The following UBAP2 variants were observed in gnomAD, a reference collection of about 807,000 sequenced individuals.
UBAP2 encodes the protein ubiquitin associated protein 2.
A neutral mutation model predicts 139.6 loss-of-function variants in UBAP2; 75 were observed. That is an observed-to-expected ratio of 0.54 (90% CI 0.45 to 0.65). The LOEUF (loss-of-function observed/expected upper bound fraction) is 0.65, where lower values mean the gene tolerates loss of function less well. UBAP2 is among the 30% of genes least tolerant of loss of function. The pLI is 0.00. For missense variants in UBAP2, 1,368 were observed against 1,369.6 expected (o/e 1.00, Z 0.02); for synonymous variants, 526 against 526.2 (o/e 1.00, Z 0.01).
chr9:33,987,611 A>G (rs889102582), intron 5 of UBAP2, among the ~76,000 whole-genome samples: 3 of 152,146 alleles, frequency 2.0e-5, no homozygotes, highest in Non-Finnish European at 4.4e-5. Context: ...CTTGTCTCAA[A>G]AAAAGTGAAA....
At chr9:34,035,274 G>A (rs893173854) in intron 1 of UBAP2, among the ~76,000 whole-genome samples, 4 of 151,482 alleles carry the variant, frequency 2.6e-5, no homozygotes, top group South Asian at 2.1e-4. Flanking sequence ...AGGCCGAGGC[G>A]GGCGGATCAC....
intron 4 of UBAP2, 114 bp from the exon 5 acceptor site, chr9:33,989,240 T>C: frequency 7.8e-7 from 1 of 1,276,518 alleles, no homozygotes; most frequent in South Asian, 1.8e-5. Flanking sequence ...TCTCGCTCTG[T>C]CGCCCAGGCT....
rs539528133 is a variant in UBAP2 at position 34,028,897 on chromosome 9, C to T, written c.-41-11708G>A. Among the ~76,000 whole-genome samples, 5 of 152,174 alleles carry T rather than the reference C, an allele frequency of 3.3e-5. No individual in the cohort carries two copies. In the South Asian group the frequency reaches 8.3e-4, roughly 25 times the overall value. Reference sequence around the variant, plus strand: ...AGACTGGGGTAATTAGGAACTGGGCCGCACAGCAGGAGGTGAGCAAACCTG... The same window carrying T: ...AGACTGGGGTAATTAGGAACTGGGCTGCACAGCAGGAGGTGAGCAAACCTG... On this transcript the variant is annotated intron_variant, in intron 1 of 28. Transcript: ENST00000379238.
chr9:33,973,088 C>A, intron 7 of UBAP2, 95 bp downstream of exon 7: 1 of 1,065,822 alleles, frequency 9.4e-7, no homozygotes, highest in South Asian at 1.4e-5. Flanking sequence ...CTAGATTCAC[C>A]ATGATGACTA....
intron 1 of UBAP2, among the ~76,000 whole-genome samples, chr9:34,030,311 T>C (rs1825781302): frequency 6.6e-6 from 1 of 151,110 alleles, no homozygotes; most frequent in Admixed American, 6.6e-5. Flanking sequence ...TAGCCAGGCG[T>C]GGTGGCGGGC....
intron 1 of UBAP2, among the ~76,000 whole-genome samples, chr9:34,018,270 C>T (rs1247189160): frequency 2.7e-5 from 4 of 148,660 alleles, no homozygotes; most frequent in Non-Finnish European, 5.9e-5. Flanking sequence ...GGGAATTTTC[C>T]GATAAAGACC....
At chr9:34,039,744 A>T (rs570772551) in intron 1 of UBAP2, among the ~76,000 whole-genome samples, 27 of 150,798 alleles carry the variant, frequency 1.8e-4, no homozygotes, top group African/African-American at 6.6e-4. Context: ...AAAACCAGAG[A>T]CCCTTGTTCA....
intron 8 of UBAP2, among the ~76,000 whole-genome samples, chr9:33,969,921 C>CTTTTTTTTTTTTTTTTTT (rs1173625005): frequency 2.2e-5 from 1 of 46,154 alleles, no homozygotes; most frequent in Non-Finnish European, 3.7e-5. Flanking sequence ...GTGTATAATT[C>CTTTTTTTTTTTTTTTTTT]TTTTTTTTTT....
In UBAP2 at chr9:33,988,954, G is replaced by A. The variant is rs1821441483; in HGVS notation, c.442+19C>T. On this transcript the variant is annotated intron_variant, in intron 5 of 28. Coordinates refer to ENST00000379238, the MANE Select transcript of UBAP2 (RefSeq NM_001370062.2). ...GAGATGAAAGAAGAGAAAAAACTGA[G>A]GAGAAAGTCTGTACTTACATTCTCT... is the stretch of plus-strand genomic sequence containing the variant. The A allele has an allele frequency of 6.3e-7, 1 of 1,594,224 alleles. No homozygotes were observed. Among genetic ancestry groups the A allele is most frequent in the South Asian group, 1.1e-5 (1 of 87,226 alleles).
rs377358049 is a variant in UBAP2, at chr9:33,922,699, C to T, written c.3252G>A (p.Pro1084=). Residue 1084 remains proline (P), a synonymous_variant, in exon 28 of 29, where the codon CCG becomes CCA. Transcript: ENST00000379238. ...PHSQLLHHHL[P]QDAQSGSGQR... ...TCACTGTACTCACCTGTGCATCCTG[C>T]GGAAGGTGGTGGTGCAGCAGCTGTG... The T allele has an allele frequency of 2.2e-5, 34 of 1,550,236 alleles. No homozygotes were observed. The highest frequency in any genetic ancestry group is 1.7e-4 in the Middle Eastern group (1 of 5,758).
intron 1 of UBAP2, among the ~76,000 whole-genome samples, chr9:34,024,281 G>A (rs961199703): frequency 6.6e-6 from 1 of 151,498 alleles, no homozygotes; most frequent in African/African-American, 2.4e-5. Flanking sequence ...GGAAGAGGTT[G>A]CGGTGAGCCA....
chr9:33,948,382 C>CT lies in UBAP2; in HGVS notation c.1261dup (p.Ser421LysfsTer4). 6.2e-7 allele frequency: 1 copy of CT among 1,609,196 alleles called. No individual in the cohort carries two copies. The highest frequency in any genetic ancestry group is 8.5e-7 in the Non-Finnish European group (1 of 1,176,588). ...AAACAATGTATACCTACCAAGATGA[C>CT]TGAGGACTGAGGACTGGGATGTTGG... On this transcript the variant is annotated frameshift_variant, in exon 13 of 29. Coordinates refer to ENST00000379238, the MANE Select transcript of UBAP2 (RefSeq NM_001370062.2). LOFTEE classifies it high-confidence loss of function.
chr9:33,991,517 C>T (rs920194863), intron 4 of UBAP2, among the ~76,000 whole-genome samples: 1 of 152,094 alleles, frequency 6.6e-6, no homozygotes, highest in African/African-American at 2.4e-5. Context: ...AAGCTATCAG[C>T]AAACAGCATA....
At chr9:34,000,851 T>C (rs1455877809) in intron 2 of UBAP2, among the ~76,000 whole-genome samples, 1 of 152,160 alleles carries the variant, frequency 6.6e-6, no homozygotes, top group South Asian at 2.1e-4. Flanking sequence ...TCCCAACCTA[T>C]GCCTGCTGAG....
intron 2 of UBAP2, among the ~76,000 whole-genome samples, chr9:34,003,505 A>G (rs1822908396): frequency 6.6e-6 from 1 of 151,222 alleles, no homozygotes; most frequent in South Asian, 2.1e-4. Flanking sequence ...TCCCAGGTTC[A>G]AGCGATTCTC....
chr9:33,986,512 G>C (rs1821228886), intron 6 of UBAP2, among the ~76,000 whole-genome samples: 1 of 152,100 alleles, frequency 6.6e-6, no homozygotes, highest in African/African-American at 2.4e-5. Flanking sequence ...AATGCTTTTG[G>C]TTAGAGCTTT....
chr9:33,969,088 AG>A, intron 8 of UBAP2, among the ~76,000 whole-genome samples: 1 of 148,366 alleles, frequency 6.7e-6, no homozygotes, highest in South Asian at 2.1e-4. Flanking sequence ...TAAACATTTG[AG>A]GTTTTTTCCC....
chr9:34,001,942 A>G (rs1822740394), intron 2 of UBAP2, among the ~76,000 whole-genome samples: 1 of 151,538 alleles, frequency 6.6e-6, no homozygotes, highest in South Asian at 2.1e-4. Flanking sequence ...CTATTTATGT[A>G]TTTGGTATTT....
rs1821264358 is a variant in UBAP2 at position 33,986,876 on chromosome 9, C to T, written c.443-39G>A. On this transcript the variant is annotated intron_variant, in intron 5 of 28. Transcript: ENST00000379238. ...AGCAGAAAAATCAAATTTCCATTTC[C>T]AAACCTCTTGTACATAACCTTATCA... The T allele has an allele frequency of 1.9e-6, 3 of 1,564,854 alleles. No individual in the cohort carries two copies. In the South Asian group the frequency reaches 3.3e-5, roughly 17 times the overall value.
Sources: allele counts gnomAD v4.1 joint callset (sites outside exome capture counted in the v4.1 genomes callset), GRCh38; gene constraint gnomAD v4.1.1; transcripts MANE v1.5; gene names NCBI Gene and HGNC (gene_info 2026-07-23, HGNC 2026-07-21).